Variants in TET3 observed in about 807,000 individuals in gnomAD.
TET3 encodes tet methylcytosine dioxygenase 3.
A neutral mutation model predicts 141.4 loss-of-function variants in TET3; 19 were observed. That is an observed-to-expected ratio of 0.13 (90% CI 0.09 to 0.20). The LOEUF is 0.20. Ranked by LOEUF, TET3 falls within the 10% of genes least tolerant of loss-of-function variation. The pLI, the probability that TET3 is intolerant of heterozygous loss-of-function variation, is 1.00. For synonymous variants in TET3, 1,043 were observed against 980.9 expected (o/e 1.06, Z -1.18); for missense variants, 1,874 against 2,356.9 (o/e 0.80, Z 4.24).
At chr2:74,071,076 G>T (rs1371106571) in intron 4 of TET3, among the ~76,000 whole-genome samples, 1 of 152,182 alleles carries the variant, frequency 6.6e-6, no homozygotes, top group Non-Finnish European at 1.5e-5. Context: ...AGCAGATCTG[G>T]TGTCTGTCGA....
the TET3 span, chr2:74,131,062 G>C: frequency 1.3e-5 from 2 of 152,156 alleles, no homozygotes; most frequent in Non-Finnish European, 2.9e-5. Flanking sequence ...CCCCCTGTAC[G>C]GTGACTTACC....
chr2:74,028,326 A>G (rs1686491200), intron 3 of TET3, among the ~76,000 whole-genome samples: 2 of 152,078 alleles, frequency 1.3e-5, no homozygotes, highest in African/African-American at 4.8e-5. Flanking sequence ...TTGAAACTCA[A>G]AAGTTTTTAA....
At chr2:74,007,030 A>G (rs907122502) in intron 3 of TET3, among the ~76,000 whole-genome samples, 10 of 152,138 alleles carry the variant, frequency 6.6e-5, no homozygotes, top group African/African-American at 2.2e-4. Context: ...AGTATTTATC[A>G]TGTTCTAGGT....
intron 5 of TET3, among the ~76,000 whole-genome samples, chr2:74,077,201 G>A (rs1689559203): frequency 1.3e-5 from 2 of 152,228 alleles, no homozygotes; most frequent in Non-Finnish European, 2.9e-5. Context: ...ATCCTGAAAA[G>A]GCAAAGCCTC....
Position 74,046,562 on chromosome 2 carries a change from C to G in TET3, c.645C>G (p.Ala215=), listed in dbSNP as rs1189834542. The change falls in exon 4 of 12, where the codon GCC becomes GCG. Residue 215 remains alanine, a synonymous_variant. Transcript: ENST00000409262. This position sits in a 1 kb window ranked among gnomAD's most constrained non-coding sequence, Gnocchi z 4.3. ...AVAEAVSSYG[A]LSTRLYETFN... is the part of the protein sequence containing the mutation. ...CCGAAGCTGTGTCCTCTTATGGGGC[C>G]CTTAGCACCCGGCTCTATGAAACCT... The G allele has an allele frequency of 1.2e-6, 2 of 1,614,024 alleles. No individual in the cohort carries two copies. The highest frequency in any genetic ancestry group is 2.2e-5 in the South Asian group (2 of 91,092).
intron 2 of TET3, among the ~76,000 whole-genome samples, chr2:74,002,082 C>CAG (rs1388522988): frequency 6.6e-6 from 1 of 152,046 alleles, no homozygotes; most frequent in African/African-American, 2.4e-5. Flanking sequence ...CAGGGAGGAG[C>CAG]AGAGAGCTTG....
chr2:74,042,791 TCC>T (rs908289011), intron 3 of TET3, among the ~76,000 whole-genome samples: 2 of 152,230 alleles, frequency 1.3e-5, no homozygotes, highest in Non-Finnish European at 2.9e-5. Context: ...GCAGGTTTCC[TCC>T]AGCATTACTG....
chr2:74,037,209 C>A (rs1687114074), intron 3 of TET3, among the ~76,000 whole-genome samples: 1 of 152,170 alleles, frequency 6.6e-6, no homozygotes, highest in Admixed American at 6.5e-5. Flanking sequence ...GCAAGGGTTC[C>A]CCTAAAACTC....
the TET3 span, chr2:74,121,460 A>G: frequency 1.3e-5 from 2 of 152,206 alleles, no homozygotes; most frequent in Non-Finnish European, 2.9e-5. Context: ...TGGTAATAAA[A>G]ACTTTCAAGT....
chr2:74,084,392 C>T (rs1689997271), intron 6 of TET3, among the ~76,000 whole-genome samples: 3 of 152,038 alleles, frequency 2.0e-5, no homozygotes, highest in African/African-American at 7.2e-5. Flanking sequence ...CTTAGGGAGA[C>T]CAAGCGGGCA....
intron 5 of TET3, among the ~76,000 whole-genome samples, chr2:74,078,481 C>A (rs2103977610): frequency 6.6e-6 from 1 of 152,276 alleles, no homozygotes; most frequent in Admixed American, 6.5e-5. Context: ...TCTACCTAAT[C>A]ATTTTTGATG....
At position 74,002,395 on chromosome 2, in the gene TET3, C is replaced by A. The variant is rs573388966; in HGVS notation, c.304-715C>A. 8.6e-5 allele frequency among the ~76,000 whole-genome samples: 13 copies of A among 151,100 alleles called. No homozygotes were observed. The East Asian group carries it at 2.6e-3, about 30-fold the overall frequency. On this transcript the variant is annotated intron_variant, in intron 2 of 11. Transcript: ENST00000409262. ...CACCCCCCCGGCGTCTGCTCCGCTC[C>A]GCTCCACCCGGAGGCGCAGTCTGTC... is the stretch of plus-strand genomic sequence containing the variant.
chr2:74,108,280 A>C (rs1453912766), downstream of TET3: 1 of 153,808 alleles, frequency 6.5e-6, no homozygotes, highest in Non-Finnish European at 1.5e-5. Flanking sequence ...AGATGTACAA[A>C]TGAAGCCCTC....
chr2:74,080,174 T>G (rs1177979753), intron 5 of TET3, among the ~76,000 whole-genome samples: 1 of 152,212 alleles, frequency 6.6e-6, no homozygotes, highest in Non-Finnish European at 1.5e-5. Context: ...ATGCCCATGT[T>G]TAGCCTTTGG....
chr2:74,110,728 A>ACACTT (rs1691684255), downstream of TET3, among the ~76,000 whole-genome samples: 5 of 152,020 alleles, frequency 3.3e-5, no homozygotes, highest in Non-Finnish European at 7.4e-5. Flanking sequence ...TTCCCTCACC[A>ACACTT]CACTTCAAAC....
rs1683926838 is a variant in TET3 at position 73,985,027 on chromosome 2, G to C, written c.-555G>C. 2 of 146,782 alleles carry C rather than the reference G, an allele frequency of 1.4e-5. No homozygotes were observed. The highest frequency in any genetic ancestry group is 4.9e-5 in the African/African-American group (2 of 40,600). The allele number at this position is 146,782 out of a possible 1,614,324, so 9.1% of individuals were successfully genotyped here. A position where few individuals can be genotyped will look rare whatever the true frequency, so the allele number is the denominator to read the frequency against. Reference sequence around the variant, plus strand: ...GCGGGGGGCTCCGCGCGCTGAGCTCGGTCGGGCCGGGCGCTCCGGGAGGCG... The same window carrying C: ...GCGGGGGGCTCCGCGCGCTGAGCTCCGTCGGGCCGGGCGCTCCGGGAGGCG... On this transcript the variant is annotated 5_prime_UTR_variant, in exon 1 of 12. Transcript: ENST00000409262.
At chr2:74,044,010 A>T (rs993149339) in intron 3 of TET3, among the ~76,000 whole-genome samples, 1 of 152,170 alleles carries the variant, frequency 6.6e-6, no homozygotes, top group Non-Finnish European at 1.5e-5. Flanking sequence ...TAAAAAAAAT[A>T]AAAATAAAAT....
In TET3 at chr2:74,046,845, C is replaced by T. The variant is rs747281285; in HGVS notation, c.928C>T (p.Pro310Ser). Residue 310 changes from proline to serine, a missense_variant, in exon 4 of 12, where the codon CCT becomes TCT. Around this residue, in one of 10 missense-constraint regions of TET3, gnomAD observed 366 missense variants for 487.0 expected, o/e 0.75. Transcript: ENST00000409262. This position sits in a 1 kb window ranked among gnomAD's most constrained non-coding sequence, Gnocchi z 4.3. Reference sequence around the variant, plus strand: ...GCCCAGGCTCCCAGGGCCTCTGCCTCCTGGTGAGGCCGGCCTCCCAGCACC... The same window carrying T: ...GCCCAGGCTCCCAGGGCCTCTGCCTTCTGGTGAGGCCGGCCTCCCAGCACC... ...ERPRLPGPLP[P>S]GEAGLPAPST... is the part of the protein sequence containing the mutation. The T allele has an allele frequency of 2.3e-5, 37 of 1,613,372 alleles. No individual in the cohort carries two copies. The East Asian group carries it at 7.6e-4, about 33-fold the overall frequency.
At chr2:74,002,390 C>A (rs1684897105) in intron 2 of TET3, among the ~76,000 whole-genome samples, 1 of 148,614 alleles carries the variant, frequency 6.7e-6, no homozygotes, top group Non-Finnish European at 1.5e-5. Flanking sequence ...GCGTCTGCTC[C>A]GCTCCGCTCC....
Sources: allele counts gnomAD v4.1 joint callset (sites outside exome capture counted in the v4.1 genomes callset), GRCh38; gene constraint gnomAD v4.1.1; regional missense constraint gnomAD v4.1.1; non-coding constraint Gnocchi (gnomAD v3.1); transcripts MANE v1.5; gene names NCBI Gene and HGNC (gene_info 2026-07-23, HGNC 2026-07-21).